CABP5: variants seen among roughly 807,000 people sequenced by gnomAD.
The protein encoded by CABP5 is calcium-binding protein 5.
A neutral mutation model predicts 21.9 loss-of-function variants in CABP5; 17 were observed. The ratio of observed to expected loss-of-function variants is 0.78; its 90% CI spans 0.53 to 1.17. The LOEUF (loss-of-function observed/expected upper bound fraction) is 1.17. Ranked by LOEUF, CABP5 falls within the 50% of genes most tolerant of loss-of-function variation. CABP5 has a pLI of 0.00. For synonymous variants in CABP5, 85 were observed against 79.4 expected, an observed-to-expected ratio of 1.07 and a Z score of -0.37; for missense variants, 229 against 228.9, an observed-to-expected ratio of 1.00 and a Z score of 0.00.
rs564592715 is a variant in CABP5 at position 48,039,776 on chromosome 19, C to T, written c.239-459G>A. Among the ~76,000 whole-genome samples the T allele has an allele frequency of 8.1e-4, 94 of 116,498 alleles. 1 individual carries two copies. The highest frequency in any genetic ancestry group is 3.0e-3 in the African/African-American group (89 of 29,860). 76.4% of individuals were successfully genotyped at this position (116,498 alleles called of 152,430 possible). ...TTGCCAAGGCTGGAGTGCAATGGTG[C>T]GATCTCGGCTCACTGCAACCTCTGC... On this transcript the variant is annotated intron_variant, in intron 3 of 5. Transcript: ENST00000293255.
At position 48,042,801 on chromosome 19, in the gene CABP5, C is replaced by T. The variant is rs1967499084; in HGVS notation, c.63+1059G>A. Among the ~76,000 whole-genome samples the T allele has an allele frequency of 2.0e-5, 3 of 152,238 alleles. No homozygotes were observed. The South Asian group carries it at 6.2e-4, about 32-fold the overall frequency. On this transcript the variant is annotated intron_variant, in intron 1 of 5. Transcript: ENST00000293255. The stretch of plus-strand genomic sequence containing the variant: ...TCTTGGCCAGGCTGGTCTTGACCTC[C>T]TGACCTCGTGATCCACCTGCTTTGG...
chr19:48,039,362 C>T, intron 3 of CABP5, 45 bp from the exon 4 acceptor site: 1 of 1,402,734 alleles, frequency 7.1e-7, no homozygotes, highest in Non-Finnish European at 1.0e-6. Context: ...CAAGCCCTGG[C>T]CTTCCATTAC....
intron 2 of CABP5, among the ~76,000 whole-genome samples, chr19:48,040,952 G>A (rs953243607): frequency 2.6e-5 from 4 of 152,118 alleles, no homozygotes; most frequent in Admixed American, 6.6e-5. Flanking sequence ...CGAGGTGGGT[G>A]GATCACCTGA....
At chr19:48,034,077 A>C in intron 5 of CABP5, 138 bp downstream of exon 5, 1 of 844,840 alleles carries the variant, frequency 1.2e-6, no homozygotes, top group Non-Finnish European at 1.7e-6. Context: ...AAATGCTTCC[A>C]AAACCTGCCA....
intron 4 of CABP5, among the ~76,000 whole-genome samples, chr19:48,037,331 C>CA (rs1181322944): frequency 8.5e-6 from 1 of 118,266 alleles, no homozygotes; most frequent in Non-Finnish European, 1.6e-5. Context: ...TGCAGTGGTG[C>CA]GATCTTGGCT....
At chr19:48,042,503 G>A (rs1239280351) in intron 1 of CABP5, among the ~76,000 whole-genome samples, 1 of 151,760 alleles carries the variant, frequency 6.6e-6, no homozygotes, top group Non-Finnish European at 1.5e-5. Flanking sequence ...TTTATCCCTG[G>A]AGCCTTTCCC....
rs1404400701 is a variant in CABP5, at chr19:48,029,794, C to CAGAG, written c.*762_*763insCTCT. 0.014 allele frequency among the ~76,000 whole-genome samples: 1,185 copies of CAGAG among 85,312 alleles called. 23 individuals carry two copies. Among genetic ancestry groups the CAGAG allele is most frequent in the African/African-American group, 0.043 (1,075 of 24,838 alleles). The allele number at this position is 85,312 out of a possible 152,430, so 56.0% of individuals were successfully genotyped here. ...ATGTGGGAGGGGAGACAGAGACAGA[C>CAGAG]AGACAGAGAGAGAGAGAGAGAGAGA... On this transcript the variant is annotated 3_prime_UTR_variant, in exon 6 of 6. Coordinates refer to ENST00000293255, the MANE Select transcript of CABP5 (RefSeq NM_019855.5).
intron 5 of CABP5, among the ~76,000 whole-genome samples, chr19:48,032,903 T>C (rs557421971): frequency 6.6e-6 from 1 of 152,016 alleles, no homozygotes; most frequent in Non-Finnish European, 1.5e-5. Context: ...AGTGCTGAAA[T>C]TACAGGCATG....
At chr19:48,034,948 G>T (rs1437198039) in intron 4 of CABP5, among the ~76,000 whole-genome samples, 2 of 152,004 alleles carry the variant, frequency 1.3e-5, no homozygotes, top group Non-Finnish European at 2.9e-5. Context: ...AAAGTGCTAG[G>T]CTTACAGTCC....
chr19:48,039,092 GA>G (rs5828329), intron 4 of CABP5, 115 bp downstream of exon 4: 73,647 of 717,550 alleles, frequency 0.1, 3,972 homozygotes, highest in South Asian at 0.14. Flanking sequence ...ACCATGGCTG[GA>G]AAAAAAAAGG....
At chr19:48,039,420 C>A in intron 3 of CABP5, 103 bp from the exon 4 acceptor site, 1 of 824,090 alleles carries the variant, frequency 1.2e-6, no homozygotes. Flanking sequence ...TCTCCCTGCC[C>A]TATAAGAGCC....
chr19:48,034,189 TCCCCACCACGCCC>T lies in CABP5; in HGVS notation c.496+13_496+25del, dbSNP rs1568412536. ...GGATTCCTGCGGTGGCTGCCCCCGC[TCCCCACCACGCCC>T]CGTCAATGTCACCTTCAAAGTCAAC... is the stretch of plus-strand genomic sequence containing the variant. On this transcript the variant is annotated intron_variant, in intron 5 of 5. Transcript: ENST00000293255. 1 of 1,509,658 alleles carries T rather than the reference TCCCCACCACGCCC, an allele frequency of 6.6e-7. No individual in the cohort carries two copies. Among genetic ancestry groups the T allele is most frequent in the South Asian group, 1.3e-5 (1 of 76,668 alleles). 93.5% of individuals were successfully genotyped at this position (1,509,658 alleles called of 1,614,324 possible). A position where few individuals can be genotyped will look rare whatever the true frequency, so the allele number is the denominator to read the frequency against.
rs747960219 is a variant in CABP5 at position 48,034,252 on chromosome 19, C to A, written c.459G>T (p.Glu153Asp). The A allele has an allele frequency of 5.7e-5, 92 of 1,607,576 alleles. No individual in the cohort carries two copies. The highest frequency in any genetic ancestry group is 7.6e-5 in the Non-Finnish European group (90 of 1,177,482). The change falls in exon 5 of 6, where the codon GAG becomes GAT. Residue 153 changes from glutamate to aspartate, a missense_variant. Physicochemically the swap from Glu to Asp is conservative, Grantham distance 45. Coordinates refer to ENST00000293255, the MANE Select transcript of CABP5 (RefSeq NM_019855.5). The part of the protein sequence containing the change: ...TPREISEVVR[E>D]ADVNGDGTVD... ...CTGTGCCGTCTCCATTAACATCAGC[C>A]TCCCGGACAACCTCAGAGATCTCCC...
At chr19:48,030,604 C>T (rs1967328528) in intron 5 of CABP5, 22 bp from the exon 6 acceptor site, 6 of 1,611,202 alleles carry the variant, frequency 3.7e-6, no homozygotes, top group South Asian at 1.1e-5. Flanking sequence ...AAAAAAAATC[C>T]CCAGTAAGGC....
intron 5 of CABP5, among the ~76,000 whole-genome samples, chr19:48,031,574 A>T (rs961275003): frequency 1.3e-5 from 2 of 152,092 alleles, no homozygotes; most frequent in African/African-American, 2.4e-5. Context: ...GATTGTCACT[A>T]TGAGATTTCA....
At chr19:48,035,284 GAT>G (rs79334647) in intron 4 of CABP5, among the ~76,000 whole-genome samples, 30,878 of 152,140 alleles carry the variant, frequency 0.2, 4,056 homozygotes, top group Non-Finnish European at 0.28. Flanking sequence ...TGTTGTAAAT[GAT>G]AGAGTTTCCT....
intron 5 of CABP5, among the ~76,000 whole-genome samples, chr19:48,033,900 T>C (rs1967373188): frequency 6.6e-6 from 1 of 152,120 alleles, no homozygotes; most frequent in South Asian, 2.1e-4. Context: ...GGACAAGTTC[T>C]TCCTAGGATA....
intron 4 of CABP5, 38 bp downstream of exon 4, chr19:48,039,170 C>T: frequency 6.6e-7 from 1 of 1,516,594 alleles, no homozygotes. Context: ...AGAGGGTCTG[C>T]CTCTACCATC....
Position 48,039,340 on chromosome 19 carries a change from A to G in CABP5, c.239-23T>C, listed in dbSNP as rs1967450718. 3.2e-6 allele frequency: 5 copies of G among 1,582,190 alleles called. No homozygotes were observed. The East Asian group carries it at 1.1e-4, about 35-fold the overall frequency. On this transcript the variant is annotated intron_variant, in intron 3 of 5. Coordinates refer to ENST00000293255, the MANE Select transcript of CABP5 (RefSeq NM_019855.5). Reference sequence around the variant, plus strand: ...CCACTGAGGAAGATGGCACAGGATTAGCGAGACCCCACAAGCCCTGGCCTT... The same window carrying G: ...CCACTGAGGAAGATGGCACAGGATTGGCGAGACCCCACAAGCCCTGGCCTT...
Sources: gnomAD v4.1 joint callset for allele counts (sites outside exome capture counted in the v4.1 genomes callset) on GRCh38, gnomAD v4.1.1 for gene constraint, MANE v1.5 for transcripts, NCBI Gene and HGNC (gene_info 2026-07-23, HGNC 2026-07-21) for gene names.